KLF17: variants seen among roughly 807,000 people sequenced by gnomAD.
KLF17 encodes the protein KLF transcription factor 17, also known as Krueppel-like factor 17.
A neutral mutation model predicts 34.2 loss-of-function variants in KLF17; 31 were observed. The ratio of observed to expected loss-of-function variants is 0.91; its 90% CI spans 0.68 to 1.22. The LOEUF is 1.22. KLF17 is among the 50% of genes most tolerant of loss of function. The pLI is 0.00. For missense variants in KLF17, 478 were observed against 505.2 expected, an observed-to-expected ratio of 0.95 and a Z score of 0.52; for synonymous variants, 179 against 186.7, an observed-to-expected ratio of 0.96 and a Z score of 0.34.
At chr1:44,125,464 C>T (rs2429055) in intron 1 of KLF17, among the ~76,000 whole-genome samples, 106,674 of 152,056 alleles carry the variant, frequency 0.7, 37,502 homozygotes, top group African/African-American at 0.74. Flanking sequence ...TCTCTTTGTC[C>T]TGGGCTTTCG....
At chr1:44,128,582 C>G (rs561586220) in intron 1 of KLF17, among the ~76,000 whole-genome samples, 7 of 152,288 alleles carry the variant, frequency 4.6e-5, no homozygotes, top group African/African-American at 1.7e-4. Flanking sequence ...AGGGCAGACG[C>G]TGTAAATATT....
the KLF17 span, among the ~76,000 whole-genome samples, chr1:44,067,980 C>A: frequency 6.6e-6 from 1 of 152,070 alleles, no homozygotes; most frequent in Non-Finnish European, 1.5e-5. Flanking sequence ...CTTTCTTCCC[C>A]ATCTGGGCAT....
chr1:44,127,625 TTTTCTTTTCTTTCC>T (rs1557731675), intron 1 of KLF17, among the ~76,000 whole-genome samples: 7 of 63,530 alleles, frequency 1.1e-4, no homozygotes, highest in Admixed American at 3.1e-4. Flanking sequence ...TTTTCTTTTC[TTTTCTTTTCTTTCC>T]TTCTTTCTTT....
At chr1:44,055,271 A>C in the KLF17 span, among the ~76,000 whole-genome samples, 75 of 152,262 alleles carry the variant, frequency 4.9e-4, 1 homozygote, top group Admixed American at 1.3e-3. Context: ...CACGGCAGGC[A>C]AAAATACTGG....
the KLF17 span, among the ~76,000 whole-genome samples, chr1:44,091,655 A>G: frequency 2.8e-5 from 4 of 142,626 alleles, no homozygotes; most frequent in Non-Finnish European, 6.1e-5. Context: ...AAAAAAAAAA[A>G]GAAGAACAAG....
the KLF17 span, among the ~76,000 whole-genome samples, chr1:44,111,291 C>A: frequency 1.3e-3 from 204 of 152,140 alleles, no homozygotes; most frequent in African/African-American, 4.6e-3. Flanking sequence ...CCACCATGCC[C>A]GGCCTGTGTT....
chr1:44,109,179 T>C, the KLF17 span, among the ~76,000 whole-genome samples: 3 of 152,168 alleles, frequency 2.0e-5, no homozygotes, highest in East Asian at 1.9e-4. Context: ...TTAAATCTCA[T>C]TGTGTGAATG....
At chr1:44,096,404 C>T in the KLF17 span, among the ~76,000 whole-genome samples, 3 of 144,330 alleles carry the variant, frequency 2.1e-5, no homozygotes, top group African/African-American at 5.1e-5. Context: ...ATTTATTTTT[C>T]TTTTTTTTTT....
In KLF17 at chr1:44,130,142, G is replaced by A. The variant is rs767103784; in HGVS notation, c.871G>A (p.Gly291Arg). 2.4e-5 allele frequency: 38 copies of A among 1,614,038 alleles called. No homozygotes were observed. The highest frequency in any genetic ancestry group is 1.6e-4 in the East Asian group (7 of 44,900). Residue 291 changes from glycine (G) to arginine (R), a missense_variant, in exon 2 of 4, where the codon GGA (glycine) becomes AGA (arginine). Gly to Arg is a moderately radical substitution (Grantham distance 125). Transcript: ENST00000372299. ...RPYCCNYENC[G>R]KAYTKRSHLV... is the part of the protein sequence containing the mutation. ...TTACTGCTGCAACTACGAGAACTGC[G>A]GAAAAGCTTATACCAAACGCTCCCA... is the stretch of plus-strand genomic sequence containing the variant.
chr1:44,127,455 G>A (rs1276199337), intron 1 of KLF17, among the ~76,000 whole-genome samples: 1 of 151,896 alleles, frequency 6.6e-6, no homozygotes, highest in African/African-American at 2.4e-5. Context: ...TCTGACCTGT[G>A]ATGTTCCTAT....
chr1:44,093,167 T>A, the KLF17 span, among the ~76,000 whole-genome samples: 2 of 151,954 alleles, frequency 1.3e-5, no homozygotes, highest in Non-Finnish European at 2.9e-5. Context: ...AAGAGAAAAG[T>A]GTTGGGAAGA....
rs1487226761 is a variant in KLF17 at position 44,130,152 on chromosome 1, A to T, written c.881A>T (p.Tyr294Phe). The change falls in exon 2 of 4, where the codon TAT becomes TTT. Residue 294 changes from tyrosine (Y) to phenylalanine (F), a missense_variant. Coordinates refer to ENST00000372299, the MANE Select transcript of KLF17 (RefSeq NM_173484.4). ...AACTACGAGAACTGCGGAAAAGCTTATACCAAACGCTCCCACCTCGTGAGC... is the reference window on the plus strand; with the variant it reads ...AACTACGAGAACTGCGGAAAAGCTTTTACCAAACGCTCCCACCTCGTGAGC... ...CCNYENCGKAYTKRSHLVSHQ... is the reference protein window; with the variant it reads ...CCNYENCGKAFTKRSHLVSHQ... 6.2e-7 allele frequency: 1 copy of T among 1,613,900 alleles called. No homozygotes were observed. The highest frequency in any genetic ancestry group is 8.5e-7 in the Non-Finnish European group (1 of 1,179,952).
the KLF17 span, chr1:44,101,613 A>G: frequency 6.6e-6 from 1 of 152,214 alleles, no homozygotes; most frequent in Non-Finnish European, 1.5e-5. Flanking sequence ...CAGGAGACAC[A>G]TGGTATCTAT....
chr1:44,044,643 G>A, the KLF17 span: 1 of 152,284 alleles, frequency 6.6e-6, no homozygotes, highest in Non-Finnish European at 1.5e-5. Context: ...CAAGAAGAAA[G>A]AACCATCTGG....
At chr1:44,052,746 G>C in the KLF17 span, among the ~76,000 whole-genome samples, 1 of 152,196 alleles carries the variant, frequency 6.6e-6, no homozygotes, top group African/African-American at 2.4e-5. Context: ...ACATGGGGCA[G>C]CAGAGAGCAT....
the KLF17 span, chr1:44,110,515 A>G: frequency 6.6e-6 from 1 of 151,880 alleles, no homozygotes. Flanking sequence ...ACATGGACAA[A>G]CCCCGTCTCT....
At chr1:44,071,153 C>T in the KLF17 span, among the ~76,000 whole-genome samples, 1 of 152,160 alleles carries the variant, frequency 6.6e-6, no homozygotes, top group Admixed American at 6.5e-5. Flanking sequence ...TCAGCTGTGA[C>T]CCTCTCAGCA....
rs774320675 is a variant in KLF17 at position 44,129,351 on chromosome 1, A to T, written c.82-2A>T. The T allele has an allele frequency of 6.6e-7, 1 of 1,507,562 alleles. No individual in the cohort carries two copies. Among genetic ancestry groups the T allele is most frequent in the South Asian group, 1.4e-5 (1 of 72,906 alleles). The allele number at this position is 1,507,562 out of a possible 1,614,324, so 93.4% of individuals were successfully genotyped here. On this transcript the variant is annotated splice_acceptor_variant, in intron 1 of 3. Coordinates refer to ENST00000372299, the MANE Select transcript of KLF17 (RefSeq NM_173484.4). LOFTEE classifies it high-confidence loss of function. ...AAAATCACCTGACTCTTTTTCCCCA[A>T]GGATAACGAGAACTCAGCGCCCATC...
chr1:44,078,466 C>T, the KLF17 span, among the ~76,000 whole-genome samples: 1 of 143,148 alleles, frequency 7.0e-6, no homozygotes, highest in Non-Finnish European at 1.5e-5. Flanking sequence ...AGGAGTTTTG[C>T]CCTGTTGCCA....
Sources: gnomAD v4.1 joint callset for allele counts (sites outside exome capture counted in the v4.1 genomes callset) on GRCh38, gnomAD v4.1.1 for gene constraint, MANE v1.5 for transcripts, NCBI Gene and HGNC (gene_info 2026-07-23, HGNC 2026-07-21) for gene names.